The following EFHC2 variants were observed in gnomAD, a reference collection of about 807,000 sequenced individuals.
EFHC2 encodes EF-hand domain-containing family member C2.
Under a neutral mutation model 52.7 loss-of-function variants are expected in EFHC2, and 18 were observed. That is an observed-to-expected ratio of 0.34 (90% CI 0.24 to 0.51). The LOEUF is 0.51. Ranked by LOEUF, EFHC2 falls within the 20% of genes least tolerant of loss-of-function variation. The probability of loss-of-function intolerance (pLI) is 0.97; values close to 1 mark genes in which losing one functional copy is unlikely to be tolerated. For synonymous variants in EFHC2, 203 were observed against 204.1 expected (o/e 0.99, Z 0.04); for missense variants, 513 against 562.5 (o/e 0.91, Z 0.89).
chrX:44,148,789 G>T lies in EFHC2; in HGVS notation c.*6C>A. 8.6e-7 allele frequency: 1 copy of T among 1,167,916 alleles called. No homozygotes were observed. The highest frequency in any genetic ancestry group is 1.1e-6 in the Non-Finnish European group (1 of 871,537). ...AATCATAGAGAATTGACCAAAACTG[G>T]CATGGTTATTCCTCCTCTAAGCCAA... On this transcript the variant is annotated 3_prime_UTR_variant, in exon 15 of 15. Coordinates refer to ENST00000420999, the MANE Select transcript of EFHC2 (RefSeq NM_025184.4).
chrX:44,260,987 C>T (rs1292756194), intron 4 of EFHC2, 88 bp downstream of exon 4: 1 of 782,032 alleles, frequency 1.3e-6, no homozygotes, highest in Admixed American at 2.9e-5. Flanking sequence ...TCTTTCACAT[C>T]TGCATCAGGA....
chrX:44,273,087 G>A (rs1307530459), intron 2 of EFHC2, among the ~76,000 whole-genome samples: 2 of 112,437 alleles, frequency 1.8e-5, no homozygotes, highest in Admixed American at 9.4e-5. Context: ...TACATCCATC[G>A]TTCAGCTCTA....
chrX:44,288,297 A>G (rs1329997639), intron 2 of EFHC2, among the ~76,000 whole-genome samples: 2 of 111,402 alleles, frequency 1.8e-5, no homozygotes, highest in Non-Finnish European at 3.8e-5. Context: ...TTTATTGTAG[A>G]AAAAAAATCT....
chrX:44,154,845 A>C (rs1488190343), intron 14 of EFHC2, among the ~76,000 whole-genome samples: 1 of 112,031 alleles, frequency 8.9e-6, no homozygotes, highest in Non-Finnish European at 1.9e-5. Flanking sequence ...CTCCTCCCCC[A>C]AAAATGATTT....
At chrX:44,320,218 C>T (rs1032750760) in intron 1 of EFHC2, among the ~76,000 whole-genome samples, 9 of 112,234 alleles carry the variant, frequency 8.0e-5, no homozygotes, top group Admixed American at 3.8e-4. Context: ...GCTGTGATTA[C>T]GGGCATGAGC....
chrX:44,268,812 T>G (rs909605448), intron 3 of EFHC2, among the ~76,000 whole-genome samples: 3 of 112,072 alleles, frequency 2.7e-5, no homozygotes, highest in Non-Finnish European at 5.6e-5. Flanking sequence ...TAAATGACCC[T>G]AAAGAATCTA....
chrX:44,217,663 T>C (rs754880464), intron 11 of EFHC2, among the ~76,000 whole-genome samples: 5 of 109,628 alleles, frequency 4.6e-5, no homozygotes, highest in African/African-American at 1.0e-4. Flanking sequence ...CCCATGGAGA[T>C]AGAGAGTAGA....
At chrX:44,204,650 G>T (rs1056011042) in intron 11 of EFHC2, among the ~76,000 whole-genome samples, 2 of 111,600 alleles carry the variant, frequency 1.8e-5, no homozygotes, top group African/African-American at 6.5e-5. Context: ...GTCAAAGACT[G>T]GTCTTCCAAG....
chrX:44,213,171 T>TAA (rs1302039331), intron 11 of EFHC2, among the ~76,000 whole-genome samples: 2 of 111,109 alleles, frequency 1.8e-5, no homozygotes, highest in Non-Finnish European at 3.8e-5. Context: ...ACCAGGAATT[T>TAA]AAAACAAACA....
intron 11 of EFHC2, among the ~76,000 whole-genome samples, chrX:44,218,905 T>C (rs184338315): frequency 1.8e-5 from 2 of 111,258 alleles, no homozygotes; most frequent in Non-Finnish European, 3.8e-5. Flanking sequence ...TCAGACCAGG[T>C]TTATTCATAT....
At chrX:44,274,987 C>T (rs1218616062) in intron 2 of EFHC2, among the ~76,000 whole-genome samples, 1 of 110,860 alleles carries the variant, frequency 9.0e-6, no homozygotes, top group African/African-American at 3.3e-5. Flanking sequence ...TTTCAGTGTA[C>T]GTAATATTTA....
At chrX:44,328,313 T>C (rs139254822) in intron 1 of EFHC2, among the ~76,000 whole-genome samples, 1,211 of 111,656 alleles carry the variant, frequency 0.011, 10 homozygotes, top group South Asian at 0.026. Flanking sequence ...CTTCTTGCCT[T>C]GAAATGTATA....
rs982394697 is a variant in EFHC2 at position 44,209,019 on chromosome X, C to G, written c.1751+20630G>C. Among the ~76,000 whole-genome samples, 5 of 69,986 alleles carry G rather than the reference C, an allele frequency of 7.1e-5. No individual in the cohort carries two copies. In the South Asian group the frequency reaches 3.0e-3, roughly 41 times the overall value. The allele number at this position is 69,986 out of a possible 115,157, so 60.8% of individuals were successfully genotyped here. ...GCATGATACTGGGTTGATTGGCAAT[C>G]TGTGTGTGTGTGTGTGTGTGTGTGT... is the stretch of plus-strand genomic sequence containing the variant. On this transcript the variant is annotated intron_variant, in intron 11 of 14. Coordinates refer to ENST00000420999, the MANE Select transcript of EFHC2 (RefSeq NM_025184.4).
chrX:44,339,761 G>T (rs759679114), intron 1 of EFHC2, among the ~76,000 whole-genome samples: 6 of 110,678 alleles, frequency 5.4e-5, no homozygotes, highest in Admixed American at 1.9e-4. Flanking sequence ...AAGCAGGGGA[G>T]GGGGGAAGGG....
chrX:44,168,697 C>T (rs1032752574), intron 13 of EFHC2, among the ~76,000 whole-genome samples: 2 of 110,689 alleles, frequency 1.8e-5, no homozygotes, highest in African/African-American at 3.3e-5. Context: ...AGGTGAGGGG[C>T]GGTCAGGTGC....
At chrX:44,249,766 G>A (rs939899646) in intron 5 of EFHC2, among the ~76,000 whole-genome samples, 3 of 112,490 alleles carry the variant, frequency 2.7e-5, no homozygotes, top group African/African-American at 9.7e-5. Flanking sequence ...ATGTTTGTGA[G>A]TGCATGTGTA....
intron 11 of EFHC2, among the ~76,000 whole-genome samples, chrX:44,187,149 A>ATATATATATATATATATATATATATG (rs1221197736): frequency 1.0e-4 from 10 of 97,594 alleles, no homozygotes; most frequent in African/African-American, 4.0e-4. Flanking sequence ...ATATATATAT[A>ATATATATATATATATATATATATATG]TATGGGCTTT....
chrX:44,326,828 A>C (rs1281423030), intron 1 of EFHC2, among the ~76,000 whole-genome samples: 7 of 104,594 alleles, frequency 6.7e-5, no homozygotes, highest in Non-Finnish European at 3.9e-5. Context: ...TCCTGGGCTC[A>C]AGCGATCCTC....
intron 2 of EFHC2, among the ~76,000 whole-genome samples, chrX:44,292,881 G>T (rs2037802380): frequency 9.0e-6 from 1 of 110,773 alleles, no homozygotes; most frequent in African/African-American, 3.3e-5. Context: ...CTTAGAAGCA[G>T]ATGTGCCATG....
Sources: gnomAD v4.1 joint callset for allele counts (sites outside exome capture counted in the v4.1 genomes callset) on GRCh38, gnomAD v4.1.1 for gene constraint, MANE v1.5 for transcripts, NCBI Gene and HGNC (gene_info 2026-07-23, HGNC 2026-07-21) for gene names.